Variants in KIF20B observed in about 807,000 individuals in gnomAD.
The protein encoded by KIF20B is kinesin family member 20B.
KIF20B carries 188 observed loss-of-function variants against 232.5 expected under a neutral mutation model. The observed-to-expected ratio is 0.81, with a 90% confidence interval of 0.72 to 0.91. KIF20B has a LOEUF of 0.91. Ranked by LOEUF, KIF20B falls within the 40% of genes least tolerant of loss-of-function variation. KIF20B has a pLI of 0.00. For synonymous variants in KIF20B, 712 were observed against 683.0 expected (o/e 1.04, Z -0.66); for missense variants, 2,154 against 2,055.9 (o/e 1.05, Z -0.92).
rs765115896 is a variant in KIF20B at position 89,762,653 on chromosome 10, C to T, written c.4807C>T (p.Leu1603Phe). The T allele has an allele frequency of 6.2e-7, 1 of 1,612,130 alleles. No homozygotes were observed. The highest frequency in any genetic ancestry group is 1.1e-5 in the South Asian group (1 of 91,030). Reference sequence around the variant, plus strand: ...TCTGTTGTAGGATGGATCTGTAGTCCTTGACTCTTGTGAAGTGTCAACAGA... The same window carrying T: ...TCTGTTGTAGGATGGATCTGTAGTCTTTGACTCTTGTGAAGTGTCAACAGA... Reference protein sequence around the residue: ...RNKIEDGSVVLDSCEVSTEND... With the variant: ...RNKIEDGSVVFDSCEVSTEND... Residue 1603 changes from leucine (L) to phenylalanine (F), a missense_variant, in exon 29 of 33, where the codon CTT (leucine) becomes TTT (phenylalanine). Physicochemically the swap from Leu to Phe is conservative, Grantham distance 22 (BLOSUM62 0). Transcript: ENST00000371728.
intron 19 of KIF20B, among the ~76,000 whole-genome samples, chr10:89,736,531 G>T (rs532117354): frequency 6.6e-6 from 1 of 152,076 alleles, no homozygotes; most frequent in African/African-American, 2.4e-5. Flanking sequence ...CAACATTTAT[G>T]TAGTCATTTA....
At chr10:89,746,571 G>T (rs1033649248) in intron 23 of KIF20B, among the ~76,000 whole-genome samples, 10 of 152,150 alleles carry the variant, frequency 6.6e-5, no homozygotes, top group African/African-American at 2.4e-4. Flanking sequence ...CAGGGTTTTT[G>T]TAGGCACAGG....
At chr10:89,723,792 G>A in intron 13 of KIF20B, 172 bp from the exon 14 acceptor site, 1 of 586,136 alleles carries the variant, frequency 1.7e-6, no homozygotes. Context: ...TGATTTTTCA[G>A]TTAACAAATC....
At position 89,737,827 on chromosome 10, in the gene KIF20B, G is replaced by T. The variant is rs1841693719; in HGVS notation, c.2986G>T (p.Asp996Tyr). The T allele has an allele frequency of 6.2e-7, 1 of 1,613,426 alleles. No homozygotes were observed. Among genetic ancestry groups the T allele is most frequent in the South Asian group, 1.1e-5 (1 of 91,048 alleles). ...GAAAATAGACGAACTACGTACTCTT[G>T]ATTCAGTTTCTCAGATTTCAAACAT... ...HTKIDELRTL[D>Y]SVSQISNIDL... Residue 996 changes from aspartate (D) to tyrosine (Y), a missense_variant, in exon 20 of 33, where the codon GAT becomes TAT. Physicochemically the swap from Asp to Tyr is radical, Grantham distance 160. Transcript: ENST00000371728.
intron 23 of KIF20B, among the ~76,000 whole-genome samples, 197 bp downstream of exon 23, chr10:89,746,156 G>A (rs1261098364): frequency 1.3e-5 from 2 of 152,196 alleles, no homozygotes; most frequent in Admixed American, 6.5e-5. Context: ...GCTCCTGAAG[G>A]CCCCAGTGGG....
intron 20 of KIF20B, 132 bp downstream of exon 20, chr10:89,738,749 T>G (rs1841726919): frequency 1.6e-6 from 2 of 1,236,978 alleles, no homozygotes; most frequent in South Asian, 1.7e-5. Flanking sequence ...GAACTTGAAC[T>G]TTGTCCATAT....
Position 89,760,565 on chromosome 10 carries a change from T to C in KIF20B, c.4720T>C (p.Ser1574Pro), listed in dbSNP as rs756795355. Residue 1574 changes from serine to proline, a missense_variant, in exon 28 of 33, where the codon TCA becomes CCA. Physicochemically the swap from Ser to Pro is moderately conservative, Grantham distance 74. Coordinates refer to ENST00000371728, the MANE Select transcript of KIF20B (RefSeq NM_001284259.2). ...GGATATCAAGCCCAAACGTATTAGTTCAGCAGATCCTGACAAACTTCAAAC... is the reference window on the plus strand; with the variant it reads ...GGATATCAAGCCCAAACGTATTAGTCCAGCAGATCCTGACAAACTTCAAAC... ...IMDIKPKRIS[S>P]ADPDKLQTEP... 5 of 1,613,208 alleles carry C rather than the reference T, an allele frequency of 3.1e-6. No homozygotes were observed. In the Admixed American group the frequency reaches 8.3e-5, roughly 27 times the overall value.
At chr10:89,725,435 T>C (rs1843162673) in intron 15 of KIF20B, among the ~76,000 whole-genome samples, 1 of 152,132 alleles carries the variant, frequency 6.6e-6, no homozygotes, top group South Asian at 2.1e-4. Flanking sequence ...GATTCTTTTT[T>C]GAGATTTGTC....
intron 16 of KIF20B, 104 bp from the exon 17 acceptor site, chr10:89,727,752 G>GT (rs1843221451): frequency 2.0e-6 from 2 of 1,004,722 alleles, no homozygotes; most frequent in Admixed American, 6.8e-5. Context: ...TTTATTGAAT[G>GT]TAACAGTAAA....
Position 89,722,963 on chromosome 10 carries a change from G to C in KIF20B, c.1723-1001G>C, listed in dbSNP as rs117777349. Among the ~76,000 whole-genome samples, 3 of 152,194 alleles carry C rather than the reference G, an allele frequency of 2.0e-5. No homozygotes were observed. The East Asian group carries it at 5.8e-4, about 29-fold the overall frequency. ...TGAATTATTAATATAGGTTATCATT[G>C]ATTACGGTAGTTTATGGTAGTACCA... On this transcript the variant is annotated intron_variant, in intron 13 of 32. Coordinates refer to ENST00000371728, the MANE Select transcript of KIF20B (RefSeq NM_001284259.2).
chr10:89,740,364 C>A (rs1841771371), intron 21 of KIF20B, among the ~76,000 whole-genome samples: 1 of 151,594 alleles, frequency 6.6e-6, no homozygotes, highest in Admixed American at 6.6e-5. Context: ...TTAAGGGGGA[C>A]AGAGGGTGGT....
chr10:89,754,642 G>A lies in KIF20B; in HGVS notation c.4472G>A (p.Arg1491Lys). The change falls in exon 26 of 33, where the codon AGG becomes AAG. Residue 1491 changes from arginine (R) to lysine (K), a missense_variant. By Grantham distance (26) the Arg-to-Lys change is conservative (BLOSUM62 2). Transcript: ENST00000371728. ...NKEMKKYAED[R>K]ERFFKQQNEM... is the part of the protein sequence containing the mutation. ...GAGATGAAAAAATATGCTGAGGACA[G>A]GGAGCGTTTTTTTAAGCAACAGAAT... The A allele has an allele frequency of 1.9e-6, 3 of 1,589,296 alleles. No individual in the cohort carries two copies. The highest frequency in any genetic ancestry group is 2.6e-6 in the Non-Finnish European group (3 of 1,170,200).
intron 30 of KIF20B, 49 bp from the exon 31 acceptor site, chr10:89,768,689 C>T: frequency 1.3e-6 from 2 of 1,505,400 alleles, no homozygotes; most frequent in Middle Eastern, 2.0e-4. Context: ...ATAACTATTT[C>T]CTTCTAACAC....
Position 89,774,150 on chromosome 10 carries a change from C to G in KIF20B, c.*102C>G. 1 of 583,126 alleles carries G rather than the reference C, an allele frequency of 1.7e-6. No homozygotes were observed. Among genetic ancestry groups the G allele is most frequent in the Non-Finnish European group, 2.9e-6 (1 of 350,094 alleles). 36.1% of individuals were successfully genotyped at this position (583,126 alleles called of 1,614,324 possible). A position where few individuals can be genotyped will look rare whatever the true frequency, so the allele number is the denominator to read the frequency against. ...TGTATATATTATGCATTAAATCACT[C>G]TGCATATAGATTGCTGTTTTATACA... On this transcript the variant is annotated 3_prime_UTR_variant, in exon 33 of 33. Transcript: ENST00000371728.
intron 25 of KIF20B, among the ~76,000 whole-genome samples, chr10:89,754,119 A>G (rs1009015319): frequency 1.3e-5 from 2 of 149,298 alleles, no homozygotes; most frequent in Admixed American, 6.8e-5. Flanking sequence ...TTTATTTGGC[A>G]TCTCGTAGGC....
chr10:89,725,209 G>T, intron 15 of KIF20B, 51 bp downstream of exon 15: 1 of 1,517,322 alleles, frequency 6.6e-7, no homozygotes, highest in Non-Finnish European at 9.1e-7. Context: ...TGGTACCAGG[G>T]TTTAGTGTAC....
At chr10:89,755,681 A>C (rs1811013085) in intron 26 of KIF20B, among the ~76,000 whole-genome samples, 1 of 151,526 alleles carries the variant, frequency 6.6e-6, no homozygotes, top group Non-Finnish European at 1.5e-5. Context: ...GCCGCCTCAG[A>C]CTTCAGGGCA....
Position 89,715,001 on chromosome 10 carries a change from A to G in KIF20B, c.759A>G (p.Ile253Met), listed in dbSNP as rs375843991. The change falls in exon 8 of 33, where the codon ATA becomes ATG. Residue 253 changes from isoleucine (I) to methionine (M), a missense_variant. Physicochemically the swap from Ile to Met is conservative, Grantham distance 10. Transcript: ENST00000371728. ...ATATCTCAGAGTTTGAAGAATCCAT[A>G]AAAGATTATGAACAAGCCAACTTGA... is the stretch of plus-strand genomic sequence containing the variant. Reference protein sequence around the residue: ...SLNISEFEESIKDYEQANLNM... With the variant: ...SLNISEFEESMKDYEQANLNM... The G allele has an allele frequency of 1.0e-5, 16 of 1,597,900 alleles. No individual in the cohort carries two copies. Among genetic ancestry groups the G allele is most frequent in the African/African-American group, 1.4e-5 (1 of 74,038 alleles).
rs1842887403 is a variant in KIF20B at position 89,714,046 on chromosome 10, G to C, written c.676-1G>C. 7.2e-7 allele frequency: 1 copy of C among 1,398,376 alleles called. No individual in the cohort carries two copies. Among genetic ancestry groups the C allele is most frequent in the East Asian group, 2.5e-5 (1 of 39,638 alleles). The allele number at this position is 1,398,376 out of a possible 1,614,324, so 86.6% of individuals were successfully genotyped here. A position where few individuals can be genotyped will look rare whatever the true frequency, so the allele number is the denominator to read the frequency against. On this transcript the variant is annotated splice_acceptor_variant, in intron 6 of 32. Coordinates refer to ENST00000371728, the MANE Select transcript of KIF20B (RefSeq NM_001284259.2). LOFTEE classifies it high-confidence loss of function. ...ATTTTTTAAAACAATCTTTTTTTTA[G>C]GTTACTGTGCATAATGATAGTGATG...
Sources: gnomAD v4.1 joint callset for allele counts (sites outside exome capture counted in the v4.1 genomes callset) on GRCh38, gnomAD v4.1.1 for gene constraint, MANE v1.5 for transcripts, NCBI Gene and HGNC (gene_info 2026-07-23, HGNC 2026-07-21) for gene names.